Variants in DPP10 observed in about 807,000 individuals in gnomAD.
The protein encoded by DPP10 is dipeptidyl peptidase like 10.
Under a neutral mutation model 120.9 loss-of-function variants are expected in DPP10, and 33 were observed. The ratio of observed to expected loss-of-function variants is 0.27; its 90% CI spans 0.21 to 0.37. DPP10 has a LOEUF of 0.37. Among genes scored for constraint, DPP10 ranks in the 10% least tolerant of loss-of-function variants. The pLI, the probability that DPP10 is intolerant of heterozygous loss-of-function variation, is 1.00. For missense variants in DPP10, 816 were observed against 942.8 expected, an observed-to-expected ratio of 0.87 and a Z score of 1.76; for synonymous variants, 337 against 326.1, an observed-to-expected ratio of 1.03 and a Z score of -0.36.
rs2052872800 is a variant in DPP10 at position 115,166,528 on chromosome 2, T to TATA, written c.61-142710_61-142708dup. On this transcript the variant is annotated intron_variant, in intron 1 of 25. Coordinates refer to ENST00000410059, the MANE Select transcript of DPP10 (RefSeq NM_020868.6). The stretch of plus-strand genomic sequence containing the variant: ...ATTATATAAATTTATAATATAAATA[T>TATA]ATATATAAATTTATAATATAAATAT... Among the ~76,000 whole-genome samples, 4 of 141,652 alleles carry TATA rather than the reference T, an allele frequency of 2.8e-5. 1 individual carries two copies. Among genetic ancestry groups the TATA allele is most frequent in the Non-Finnish European group, 3.1e-5 (2 of 65,070 alleles). 92.9% of individuals were successfully genotyped at this position (141,652 alleles called of 152,430 possible).
intron 1 of DPP10, among the ~76,000 whole-genome samples, chr2:114,970,396 T>TAAGA: frequency 6.6e-6 from 1 of 152,288 alleles, no homozygotes; most frequent in Middle Eastern, 3.4e-3. Flanking sequence ...CCCCACCTTA[T>TAAGA]AAGAGTAAAA....
intron 1 of DPP10, among the ~76,000 whole-genome samples, chr2:114,604,256 G>T (rs956525203): frequency 4.6e-5 from 7 of 152,012 alleles, no homozygotes; most frequent in African/African-American, 1.7e-4. Flanking sequence ...AGGGAATGGT[G>T]GGAACTCTCT....
At chr2:114,745,398 G>C (rs895284963) in intron 1 of DPP10, among the ~76,000 whole-genome samples, 2 of 152,102 alleles carry the variant, frequency 1.3e-5, no homozygotes, top group African/African-American at 4.8e-5. Context: ...GATAGATTTT[G>C]TTGTATTTCT....
intron 1 of DPP10, among the ~76,000 whole-genome samples, chr2:114,975,073 C>T (rs1233149620): frequency 6.7e-6 from 1 of 149,440 alleles, no homozygotes; most frequent in Non-Finnish European, 1.5e-5. Flanking sequence ...GAGGTTCGCT[C>T]TTGTTGCCCC....
chr2:114,473,395 A>G (rs1680098678), intron 1 of DPP10, among the ~76,000 whole-genome samples: 1 of 151,698 alleles, frequency 6.6e-6, no homozygotes, highest in Non-Finnish European at 1.5e-5. Context: ...ACTGCCTAAT[A>G]TTATGCTTCA....
At chr2:115,363,728 A>G (rs2064922331) in intron 3 of DPP10, among the ~76,000 whole-genome samples, 1 of 152,198 alleles carries the variant, frequency 6.6e-6, no homozygotes. Flanking sequence ...CTTATTGAAT[A>G]AAATTTATTT....
intron 3 of DPP10, among the ~76,000 whole-genome samples, chr2:115,351,438 G>A (rs1243825136): frequency 6.6e-6 from 1 of 151,902 alleles, no homozygotes; most frequent in Non-Finnish European, 1.5e-5. Flanking sequence ...CACTATCTGG[G>A]TAACTGGGAT....
intron 1 of DPP10, among the ~76,000 whole-genome samples, chr2:114,891,442 G>A (rs565042614): frequency 3.3e-5 from 5 of 152,144 alleles, no homozygotes; most frequent in South Asian, 2.1e-4. Flanking sequence ...GTTAAAGTAC[G>A]TAAAAAATGT....
At chr2:114,508,630 G>T (rs1326875646) in intron 1 of DPP10, among the ~76,000 whole-genome samples, 1 of 152,112 alleles carries the variant, frequency 6.6e-6, no homozygotes, top group African/African-American at 2.4e-5. Flanking sequence ...GTTACAATGG[G>T]AAGTATAGCA....
chr2:115,175,274 G>T (rs559991306), intron 1 of DPP10, among the ~76,000 whole-genome samples: 6 of 152,162 alleles, frequency 3.9e-5, no homozygotes, highest in Middle Eastern at 3.4e-3. Context: ...TTAACTTCTG[G>T]CTGGGCAGGG....
intron 1 of DPP10, among the ~76,000 whole-genome samples, chr2:114,739,921 A>G (rs1311818774): frequency 6.6e-6 from 1 of 152,112 alleles, no homozygotes; most frequent in Non-Finnish European, 1.5e-5. Context: ...TCATTCATTC[A>G]TCATAAAAAC....
chr2:114,824,844 T>C (rs949647189), intron 1 of DPP10, among the ~76,000 whole-genome samples: 2 of 152,112 alleles, frequency 1.3e-5, no homozygotes, highest in Non-Finnish European at 2.9e-5. Flanking sequence ...CTAGGAAAAA[T>C]AGCCTTATAA....
chr2:114,942,166 G>A (rs1039276216), intron 1 of DPP10, among the ~76,000 whole-genome samples: 1 of 150,426 alleles, frequency 6.6e-6, no homozygotes, highest in South Asian at 2.1e-4. Context: ...CCAGCTACTC[G>A]GGAGACTAAA....
At chr2:114,477,877 A>G (rs1044061642) in intron 1 of DPP10, among the ~76,000 whole-genome samples, 1 of 122,764 alleles carries the variant, frequency 8.1e-6, no homozygotes, top group African/African-American at 2.6e-5. Flanking sequence ...ATGTACATAT[A>G]TGTGTATATA....
intron 1 of DPP10, among the ~76,000 whole-genome samples, chr2:114,708,685 G>A (rs531467301): frequency 2.6e-5 from 4 of 152,180 alleles, no homozygotes; most frequent in Non-Finnish European, 4.4e-5. Context: ...AGAACGTGAA[G>A]CTAATGTTGG....
chr2:114,593,162 A>G (rs1334393076), intron 1 of DPP10, among the ~76,000 whole-genome samples: 1 of 152,242 alleles, frequency 6.6e-6, no homozygotes, highest in East Asian at 1.9e-4. Context: ...AAATAAGTTT[A>G]AAAGGACAGT....
intron 3 of DPP10, chr2:115,468,657 T>G (rs2074485114): frequency 2.8e-6 from 1 of 359,934 alleles, no homozygotes. Context: ...TCTCTACTTC[T>G]ACAGAGATCC....
At chr2:115,516,005 C>A (rs1270516677) in intron 4 of DPP10, among the ~76,000 whole-genome samples, 1 of 152,070 alleles carries the variant, frequency 6.6e-6, no homozygotes, top group Non-Finnish European at 1.5e-5. Context: ...CTACACACTT[C>A]ACAAAAAAAT....
At chr2:115,335,084 T>C (rs1162704833) in intron 2 of DPP10, among the ~76,000 whole-genome samples, 1 of 151,890 alleles carries the variant, frequency 6.6e-6, no homozygotes, top group African/African-American at 2.4e-5. Flanking sequence ...GAAAGTCACA[T>C]CTTACGGGGA....
Sources: gnomAD v4.1 joint callset for allele counts (sites outside exome capture counted in the v4.1 genomes callset) on GRCh38, gnomAD v4.1.1 for gene constraint, MANE v1.5 for transcripts, NCBI Gene and HGNC (gene_info 2026-07-23, HGNC 2026-07-21) for gene names.